The following ADAMTS19 variants were observed in gnomAD, a reference collection of about 807,000 sequenced individuals.
The protein encoded by ADAMTS19 is ADAM metallopeptidase with thrombospondin type 1 motif 19.
A neutral mutation model predicts 153.3 loss-of-function variants in ADAMTS19; 93 were observed. The observed-to-expected ratio is 0.61, with a 90% CI of 0.51 to 0.72. ADAMTS19 has a LOEUF of 0.72. Among genes scored for constraint, ADAMTS19 ranks in the 30% least tolerant of loss-of-function variants. ADAMTS19 has a pLI of 0.00. For synonymous variants in ADAMTS19, 600 were observed against 556.6 expected, an observed-to-expected ratio of 1.08 and a Z score of -1.10; for missense variants, 1,482 against 1,552.1, an observed-to-expected ratio of 0.95 and a Z score of 0.76.
At chr5:129,569,547 A>T (rs1753826199) in intron 7 of ADAMTS19, among the ~76,000 whole-genome samples, 1 of 152,150 alleles carries the variant, frequency 6.6e-6, no homozygotes, top group Non-Finnish European at 1.5e-5. Context: ...AATTTTTCCA[A>T]AGGGAAAGGA....
At chr5:129,621,106 A>G (rs1751758438) in intron 9 of ADAMTS19, among the ~76,000 whole-genome samples, 1 of 152,166 alleles carries the variant, frequency 6.6e-6, no homozygotes, top group South Asian at 2.1e-4. Flanking sequence ...TATTATCACG[A>G]AGATCAGGGC....
At position 129,679,799 on chromosome 5, in the gene ADAMTS19, G is replaced by T; in HGVS notation, c.2542G>T (p.Asp848Tyr). 1.2e-6 allele frequency: 2 copies of T among 1,613,634 alleles called. No homozygotes were observed. The highest frequency in any genetic ancestry group is 1.1e-5 in the South Asian group (1 of 90,998). The stretch of plus-strand genomic sequence containing the variant: ...TGCTGGCAAACAGTCTATTAATAGT[G>T]ACTGGAAGATTGAACACTCTGGAGC... ...RDAGKQSINS[D>Y]WKIEHSGAFN... The change falls in exon 17 of 23, where the codon GAC (aspartate) becomes TAC (tyrosine). Residue 848 changes from aspartate (D) to tyrosine (Y), a missense_variant. Physicochemically the swap from Asp to Tyr is radical, Grantham distance 160 (BLOSUM62 -3). This residue lies in a region of ADAMTS19 where 616 missense variants were observed against 724.4 expected (regional missense o/e 0.85). Transcript: ENST00000274487.
rs373913022 is a variant in ADAMTS19 at position 129,560,311 on chromosome 5, G to T, written c.1372+8404G>T. ...TGCTATAACTTTTTTTTAGGGAGCAGGTTGTTTTTCTTATCATTTCATTGA... is the reference window on the plus strand; with the variant it reads ...TGCTATAACTTTTTTTTAGGGAGCATGTTGTTTTTCTTATCATTTCATTGA... On this transcript the variant is annotated intron_variant, in intron 7 of 22. Coordinates refer to ENST00000274487, the MANE Select transcript of ADAMTS19 (RefSeq NM_133638.6). 7.2e-5 allele frequency among the ~76,000 whole-genome samples: 11 copies of T among 152,246 alleles called. 1 individual carries two copies. The highest frequency in any genetic ancestry group is 2.6e-4 in the African/African-American group (11 of 41,556).
chr5:129,621,410 TAGTG>T lies in ADAMTS19; in HGVS notation c.1619+655_1619+658del, dbSNP rs199500389. 4.3e-4 allele frequency among the ~76,000 whole-genome samples: 66 copies of T among 152,294 alleles called. No homozygotes were observed. In the East Asian group the frequency reaches 0.012, roughly 27 times the overall value. On this transcript the variant is annotated intron_variant, in intron 9 of 22. Transcript: ENST00000274487. The stretch of plus-strand genomic sequence containing the variant: ...TGTTTAAGGTATCCAAAACAAGTCT[TAGTG>T]AGAAATACAGGAACACCTAGCTTGC...
chr5:129,622,763 G>A (rs1751839393), intron 10 of ADAMTS19, among the ~76,000 whole-genome samples: 1 of 152,062 alleles, frequency 6.6e-6, no homozygotes, highest in Non-Finnish European at 1.5e-5. Context: ...TGTAGTATTT[G>A]CATATAACCT....
chr5:129,716,962 G>A (rs754456970), intron 21 of ADAMTS19, among the ~76,000 whole-genome samples: 47 of 152,084 alleles, frequency 3.1e-4, no homozygotes, highest in Non-Finnish European at 6.2e-4. Flanking sequence ...CTAAGCTCAC[G>A]CCTGAGCAGT....
rs1752912385 is a variant in ADAMTS19, at chr5:129,547,664, G to GA, written c.1329-4194dup. On this transcript the variant is annotated intron_variant, in intron 6 of 22. Coordinates refer to ENST00000274487, the MANE Select transcript of ADAMTS19 (RefSeq NM_133638.6). ...ACCAATGACTTTCTTCACAGAATTG[G>GA]AAAAAACTACTTTAAAGTTCATATG... Among the ~76,000 whole-genome samples the GA allele has an allele frequency of 3.3e-5, 5 of 150,494 alleles. No homozygotes were observed. In the South Asian group the frequency reaches 8.3e-4, roughly 25 times the overall value.
chr5:129,598,307 T>C (rs1750479910), intron 8 of ADAMTS19, among the ~76,000 whole-genome samples: 1 of 152,168 alleles, frequency 6.6e-6, no homozygotes, highest in African/African-American at 2.4e-5. Context: ...TAGTATATGG[T>C]ACACCCAGCT....
At chr5:129,725,465 G>A (rs949557083) in intron 21 of ADAMTS19, among the ~76,000 whole-genome samples, 7 of 151,942 alleles carry the variant, frequency 4.6e-5, no homozygotes, top group African/African-American at 1.7e-4. Context: ...AATATTCCTA[G>A]GAGGTCATAT....
At chr5:129,695,209 A>G (rs1369764816) in intron 19 of ADAMTS19, among the ~76,000 whole-genome samples, 1 of 152,148 alleles carries the variant, frequency 6.6e-6, no homozygotes, top group African/African-American at 2.4e-5. Flanking sequence ...ATTTGCCCAC[A>G]GTAACATAAA....
At chr5:129,581,006 A>G (rs1422985058) in intron 7 of ADAMTS19, among the ~76,000 whole-genome samples, 2 of 152,182 alleles carry the variant, frequency 1.3e-5, no homozygotes, top group African/African-American at 4.8e-5. Context: ...TTCAGAAAGA[A>G]TGGTACTAGC....
rs374494347 is a variant in ADAMTS19, at chr5:129,622,389, T to G, written c.1770+41T>G. 32 of 1,608,276 alleles carry G rather than the reference T, an allele frequency of 2.0e-5. No individual in the cohort carries two copies. The African/African-American group carries it at 3.9e-4, about 20-fold the overall frequency. On this transcript the variant is annotated intron_variant, in intron 10 of 22. Coordinates refer to ENST00000274487, the MANE Select transcript of ADAMTS19 (RefSeq NM_133638.6). The stretch of plus-strand genomic sequence containing the variant: ...GGGATTTTGTGCGTTCATTCATTGT[T>G]TAGAAGTATTGATTGGTAGGAGAAG...
At chr5:129,624,212 T>C (rs1751920044) in intron 10 of ADAMTS19, among the ~76,000 whole-genome samples, 1 of 150,352 alleles carries the variant, frequency 6.7e-6, no homozygotes, top group Non-Finnish European at 1.5e-5. Flanking sequence ...TGTGATCTAA[T>C]TCCAAAGGGT....
intron 7 of ADAMTS19, among the ~76,000 whole-genome samples, chr5:129,564,323 T>C (rs921818697): frequency 1.3e-5 from 2 of 152,212 alleles, no homozygotes; most frequent in African/African-American, 4.8e-5. Context: ...AAATGGCTGT[T>C]ACTTTAAGCT....
intron 21 of ADAMTS19, 39 bp downstream of exon 21, chr5:129,704,430 A>G (rs752033540): frequency 2.3e-5 from 37 of 1,598,222 alleles, no homozygotes; most frequent in Non-Finnish European, 1.7e-5. Context: ...ATAGGTTTCA[A>G]TAATGTCAGC....
At chr5:129,681,593 G>C (rs148830050) in intron 17 of ADAMTS19, among the ~76,000 whole-genome samples, 18 of 152,214 alleles carry the variant, frequency 1.2e-4, no homozygotes, top group African/African-American at 3.4e-4. Flanking sequence ...AATGTGCTCA[G>C]TGTTGTCCAA....
chr5:129,463,878 G>T (rs934776117), intron 2 of ADAMTS19, among the ~76,000 whole-genome samples: 1 of 152,196 alleles, frequency 6.6e-6, no homozygotes, highest in African/African-American at 2.4e-5. Context: ...CCTTTTAGGG[G>T]CTCACAAGTT....
intron 10 of ADAMTS19, among the ~76,000 whole-genome samples, chr5:129,624,492 A>C (rs1454426125): frequency 6.6e-6 from 1 of 152,194 alleles, no homozygotes; most frequent in Non-Finnish European, 1.5e-5. Flanking sequence ...TTTAGGCAAC[A>C]AAATAGGCTC....
chr5:129,648,126 G>T (rs1753149569), intron 12 of ADAMTS19, among the ~76,000 whole-genome samples: 1 of 152,150 alleles, frequency 6.6e-6, no homozygotes, highest in African/African-American at 2.4e-5. Flanking sequence ...TATTTCTTGA[G>T]TAAATCTATA....
Sources: gnomAD v4.1 joint callset for allele counts (sites outside exome capture counted in the v4.1 genomes callset) on GRCh38, gnomAD v4.1.1 for gene constraint, gnomAD v4.1.1 regional missense constraint, MANE v1.5 for transcripts, NCBI Gene and HGNC (gene_info 2026-07-23, HGNC 2026-07-21) for gene names.